The following ADAMTS12 variants were observed in gnomAD, a reference collection of about 807,000 sequenced individuals.
ADAMTS12 encodes ADAM metallopeptidase with thrombospondin type 1 motif 12, also known as A disintegrin and metalloproteinase with thrombospondin motifs 12.
A neutral mutation model predicts 167.8 loss-of-function variants in ADAMTS12; 118 were observed. The ratio of observed to expected loss-of-function variants is 0.70; its 90% confidence interval spans 0.61 to 0.82. The LOEUF (loss-of-function observed/expected upper bound fraction) is 0.82, where lower values mean the gene tolerates loss of function less well. Ranked by LOEUF, ADAMTS12 falls within the 40% of genes least tolerant of loss-of-function variation. The pLI is 0.00. For missense variants in ADAMTS12, 1,916 were observed against 1,998.8 expected (o/e 0.96, Z 0.79); for synonymous variants, 704 against 716.9 (o/e 0.98, Z 0.29).
intron 18 of ADAMTS12, among the ~76,000 whole-genome samples, chr5:33,577,892 A>G (rs993626241): frequency 6.6e-6 from 1 of 152,188 alleles, no homozygotes; most frequent in African/African-American, 2.4e-5. Context: ...TCTGTATGCC[A>G]TGCTGAAGCC....
At chr5:33,717,586 G>A (rs915361923) in intron 3 of ADAMTS12, among the ~76,000 whole-genome samples, 1 of 152,228 alleles carries the variant, frequency 6.6e-6, no homozygotes, top group African/African-American at 2.4e-5. Context: ...GGCACCATAT[G>A]TCTCTTTCAA....
intron 2 of ADAMTS12, among the ~76,000 whole-genome samples, chr5:33,786,665 A>G (rs1360604235): frequency 2.0e-5 from 3 of 152,176 alleles, no homozygotes; most frequent in African/African-American, 7.2e-5. Flanking sequence ...TCAATAAGCA[A>G]AGCAGTGATT....
chr5:33,672,057 TCA>T (rs1023115828), intron 5 of ADAMTS12, among the ~76,000 whole-genome samples: 11 of 99,328 alleles, frequency 1.1e-4, no homozygotes, highest in African/African-American at 4.7e-4. Context: ...ACATACACAC[TCA>T]CATACATACA....
At chr5:33,698,938 CCT>C (rs1440753696) in intron 3 of ADAMTS12, among the ~76,000 whole-genome samples, 1 of 152,166 alleles carries the variant, frequency 6.6e-6, no homozygotes. Flanking sequence ...GGGTGGATCA[CCT>C]GAGGTCAGGA....
intron 2 of ADAMTS12, among the ~76,000 whole-genome samples, chr5:33,866,952 A>G (rs1189520987): frequency 3.9e-5 from 6 of 152,118 alleles, no homozygotes; most frequent in Admixed American, 2.6e-4. Flanking sequence ...AAATAAATAA[A>G]TGTTGGCATA....
chr5:33,866,936 A>AT (rs1749846604), intron 2 of ADAMTS12, among the ~76,000 whole-genome samples: 1 of 152,168 alleles, frequency 6.6e-6, no homozygotes, highest in Non-Finnish European at 1.5e-5. Flanking sequence ...AAAGTAAAAA[A>AT]AAAATAAATA....
At chr5:33,690,550 G>A (rs931431722) in intron 3 of ADAMTS12, among the ~76,000 whole-genome samples, 2 of 151,916 alleles carry the variant, frequency 1.3e-5, no homozygotes, top group Non-Finnish European at 2.9e-5. Flanking sequence ...ATGTCAAAAA[G>A]GAAGATGGAA....
chr5:33,857,903 C>A (rs1235074934), intron 2 of ADAMTS12, among the ~76,000 whole-genome samples: 1 of 152,172 alleles, frequency 6.6e-6, no homozygotes, highest in East Asian at 1.9e-4. Context: ...GACAAATTCA[C>A]AATTATGGTT....
At chr5:33,850,376 A>G (rs941126074) in intron 2 of ADAMTS12, among the ~76,000 whole-genome samples, 5 of 152,204 alleles carry the variant, frequency 3.3e-5, no homozygotes, top group African/African-American at 1.2e-4. Context: ...CCCTTTCACA[A>G]GAGAGTTCTT....
At chr5:33,822,638 C>T (rs1429211930) in intron 2 of ADAMTS12, among the ~76,000 whole-genome samples, 2 of 151,774 alleles carry the variant, frequency 1.3e-5, no homozygotes, top group African/African-American at 4.8e-5. Flanking sequence ...TTTTCTTGGT[C>T]CACAAATTAA....
intron 2 of ADAMTS12, among the ~76,000 whole-genome samples, chr5:33,874,625 C>A (rs1173023745): frequency 6.6e-6 from 1 of 152,210 alleles, no homozygotes. Context: ...AAGAAACCTG[C>A]CCAAGGTTGT....
intron 12 of ADAMTS12, 97 bp downstream of exon 12, chr5:33,637,480 T>A: frequency 2.3e-6 from 3 of 1,293,412 alleles, no homozygotes; most frequent in East Asian, 2.4e-5. Context: ...ATTGTCTTTG[T>A]TAAGCTTTGT....
chr5:33,644,518 T>C (rs10061250), intron 9 of ADAMTS12, among the ~76,000 whole-genome samples: 85,975 of 152,024 alleles, frequency 0.57, 24,977 homozygotes, highest in East Asian at 0.67. Context: ...TTATATTTAT[T>C]CTTCCTCATA....
chr5:33,577,174 A>G lies in ADAMTS12; in HGVS notation c.2866-14T>C. ...GGAAACAGAACACTAGAAGAGAGAA[A>G]CAGCTGTTAGCCTGGCGAGAGAAGA... is the stretch of plus-strand genomic sequence containing the variant. On this transcript the variant is annotated splice_polypyrimidine_tract_variant and intron_variant, in intron 18 of 23. Transcript: ENST00000504830. 2 of 1,614,030 alleles carry G rather than the reference A, an allele frequency of 1.2e-6. No homozygotes were observed. Among genetic ancestry groups the G allele is most frequent in the Non-Finnish European group, 1.7e-6 (2 of 1,180,002 alleles).
chr5:33,643,306 G>T, intron 10 of ADAMTS12, 72 bp downstream of exon 10: 3 of 1,495,218 alleles, frequency 2.0e-6, no homozygotes, highest in South Asian at 2.3e-5. Flanking sequence ...GCCCTCTAGG[G>T]CCTTCTCCTC....
At chr5:33,543,768 T>A (rs1579642942) in intron 22 of ADAMTS12, among the ~76,000 whole-genome samples, 1 of 152,158 alleles carries the variant, frequency 6.6e-6, no homozygotes, top group East Asian at 1.9e-4. Flanking sequence ...AACCACATGA[T>A]TGTCTCAATA....
At chr5:33,781,796 C>T (rs889916916) in intron 2 of ADAMTS12, among the ~76,000 whole-genome samples, 1 of 151,970 alleles carries the variant, frequency 6.6e-6, no homozygotes, top group African/African-American at 2.4e-5. Context: ...GCTGCACCCA[C>T]TAACTCGTCA....
rs370000785 is a variant in ADAMTS12, at chr5:33,739,307, T to TACAC, written c.634+12093_634+12096dup. Among the ~76,000 whole-genome samples, 200 of 151,068 alleles carry TACAC rather than the reference T, an allele frequency of 1.3e-3. 1 individual carries two copies. Among genetic ancestry groups the TACAC allele is most frequent in the African/African-American group, 4.7e-3 (194 of 41,278 alleles). On this transcript the variant is annotated intron_variant, in intron 3 of 23. Transcript: ENST00000504830. ...TAGGCAAACACACACACATTCTCCA[T>TACAC]ACACACACACACACACTACGCACAG... is the stretch of plus-strand genomic sequence containing the variant.
At chr5:33,743,687 C>T (rs1744681080) in intron 3 of ADAMTS12, among the ~76,000 whole-genome samples, 1 of 152,188 alleles carries the variant, frequency 6.6e-6, no homozygotes, top group Non-Finnish European at 1.5e-5. Context: ...CTATCTGCGT[C>T]TATCCATCCA....
Sources: allele counts gnomAD v4.1 joint callset (sites outside exome capture counted in the v4.1 genomes callset), GRCh38; gene constraint gnomAD v4.1.1; transcripts MANE v1.5; gene names NCBI Gene and HGNC (gene_info 2026-07-23, HGNC 2026-07-21).